Variants in NCF2 observed in about 807,000 individuals in gnomAD.
NCF2 encodes the protein neutrophil cytosol factor 2.
A neutral mutation model predicts 70.9 loss-of-function variants in NCF2; 45 were observed. The observed-to-expected ratio is 0.63, with a 90% CI of 0.50 to 0.81. The LOEUF is 0.81. Ranked by LOEUF, NCF2 falls within the 40% of genes least tolerant of loss-of-function variation. The probability of loss-of-function intolerance (pLI) is 0.00; values close to 1 mark genes in which losing one functional copy is unlikely to be tolerated. For missense variants in NCF2, 522 were observed against 631.6 expected, an observed-to-expected ratio of 0.83 and a Z score of 1.86; for synonymous variants, 203 against 233.6, an observed-to-expected ratio of 0.87 and a Z score of 1.19.
At chr1:183,585,526 G>A (rs1673304717) in intron 2 of NCF2, among the ~76,000 whole-genome samples, 1 of 150,726 alleles carries the variant, frequency 6.6e-6, no homozygotes, top group South Asian at 2.1e-4. Flanking sequence ...TTGGGAGGCT[G>A]AGGCAAGAGA....
chr1:183,563,363 C>G, intron 12 of NCF2, 57 bp from the exon 13 acceptor site: 1 of 1,613,692 alleles, frequency 6.2e-7, no homozygotes, highest in Non-Finnish European at 8.5e-7. Flanking sequence ...AAAAACCATC[C>G]TCCTCTTCCC....
At chr1:183,582,621 T>C (rs1447141883) in intron 2 of NCF2, among the ~76,000 whole-genome samples, 3 of 152,214 alleles carry the variant, frequency 2.0e-5, no homozygotes, top group Non-Finnish European at 4.4e-5. Flanking sequence ...AGTCAAAACT[T>C]CAGGCATCTT....
At position 183,556,002 on chromosome 1, in the gene NCF2, A is replaced by ATAGTT; in HGVS notation, c.*111_*115dup. The ATAGTT allele has an allele frequency of 1.1e-6, 1 of 884,720 alleles. No homozygotes were observed. Among genetic ancestry groups the ATAGTT allele is most frequent in the South Asian group, 1.4e-5 (1 of 71,588 alleles). 54.8% of individuals were successfully genotyped at this position (884,720 alleles called of 1,614,324 possible). A position where few individuals can be genotyped will look rare whatever the true frequency, so the allele number is the denominator to read the frequency against. The stretch of plus-strand genomic sequence containing the variant: ...TAGGTTAAATTTTAACAGGGAATAA[A>ATAGTT]TAGTTAACACTTCCAAACTGTAATG... On this transcript the variant is annotated 3_prime_UTR_variant, in exon 15 of 15. Transcript: ENST00000367535.
At chr1:183,560,512 G>A (rs1671993723) in intron 13 of NCF2, among the ~76,000 whole-genome samples, 1 of 152,188 alleles carries the variant, frequency 6.6e-6, no homozygotes, top group Admixed American at 6.5e-5. Context: ...TTAGATGAAT[G>A]GTGGTGGGTG....
rs764404690 is a variant in NCF2 at position 183,565,740 on chromosome 1, T to C, written c.964A>G (p.Ser322Gly). The change falls in exon 10 of 15, where the codon AGT becomes GGT. Residue 322 changes from serine to glycine, a missense_variant. By Grantham distance (56) the Ser-to-Gly change is moderately conservative. Coordinates refer to ENST00000367535, the MANE Select transcript of NCF2 (RefSeq NM_000433.4). ...TGGGGTCTTCCAGGGGCTTTGGAAC[T>C]AGGAGGAGCTGGGATGTCGGACTGC... ...SPQSDIPAPP[S>G]SKAPGRPQLS... The C allele has an allele frequency of 1.5e-5, 24 of 1,612,798 alleles. No individual in the cohort carries two copies. Among genetic ancestry groups the C allele is most frequent in the Non-Finnish European group, 2.0e-5 (24 of 1,180,004 alleles).
At chr1:183,597,951 T>C in the NCF2 span, 3 of 152,254 alleles carry the variant, frequency 2.0e-5, no homozygotes, top group Admixed American at 2.0e-4. Flanking sequence ...TCCTGGCTGG[T>C]TGGACCCTGG....
the NCF2 span, among the ~76,000 whole-genome samples, chr1:183,601,412 C>T: frequency 1.3e-5 from 2 of 152,214 alleles, no homozygotes; most frequent in African/African-American, 2.4e-5. Flanking sequence ...TTTCACACGT[C>T]TGTAAACATA....
At chr1:183,572,739 A>G (rs996540705) in intron 5 of NCF2, among the ~76,000 whole-genome samples, 1 of 152,124 alleles carries the variant, frequency 6.6e-6, no homozygotes, top group Non-Finnish European at 1.5e-5. Context: ...TCCTGGGCTC[A>G]AGTGATCCTC....
chr1:183,565,713 G>A lies in NCF2; in HGVS notation c.991C>T (p.Leu331=), dbSNP rs199658789. The part of the protein sequence containing the change: ...PSSKAPGRPQ[L]SPGQKQKEEP... ...CTCCAGGACCACTCACCTGGTGACA[G>A]CTGGGGTCTTCCAGGGGCTTTGGAA... is the stretch of plus-strand genomic sequence containing the variant. The change falls in exon 10 of 15, where the codon CTG becomes TTG. Residue 331 remains leucine, a synonymous_variant. Coordinates refer to ENST00000367535, the MANE Select transcript of NCF2 (RefSeq NM_000433.4). The A allele has an allele frequency of 6.2e-7, 1 of 1,612,500 alleles. No individual in the cohort carries two copies. The highest frequency in any genetic ancestry group is 8.5e-7 in the Non-Finnish European group (1 of 1,180,002).
At chr1:183,594,179 G>GA (rs1347798588), upstream of NCF2, among the ~76,000 whole-genome samples, 6 of 152,178 alleles carry the variant, frequency 3.9e-5, no homozygotes, top group African/African-American at 1.4e-4. Flanking sequence ...ACTTAGGTGG[G>GA]AAGATCCCTT....
upstream of NCF2, among the ~76,000 whole-genome samples, chr1:183,591,766 G>A (rs1348737763): frequency 6.6e-6 from 1 of 152,158 alleles, no homozygotes; most frequent in Non-Finnish European, 1.5e-5. Flanking sequence ...TGGGATTACA[G>A]GAGTGAGCCA....
At chr1:183,579,198 G>A (rs982611496) in intron 2 of NCF2, among the ~76,000 whole-genome samples, 28 of 152,156 alleles carry the variant, frequency 1.8e-4, no homozygotes, top group African/African-American at 6.5e-4. Context: ...CTAACTGGGG[G>A]ACCCTAGCAA....
chr1:183,579,633 G>C (rs1672966040), intron 2 of NCF2, among the ~76,000 whole-genome samples: 1 of 151,328 alleles, frequency 6.6e-6, no homozygotes, highest in African/African-American at 2.4e-5. Context: ...CAGCTACTCA[G>C]GAGGCTGAGG....
At chr1:183,598,825 G>A in the NCF2 span, among the ~76,000 whole-genome samples, 12 of 152,222 alleles carry the variant, frequency 7.9e-5, no homozygotes, top group East Asian at 3.9e-4. Context: ...ATGTAGACTC[G>A]TTAAAAACCA....
intron 3 of NCF2, among the ~76,000 whole-genome samples, chr1:183,574,936 ATTG>A (rs1488563247): frequency 6.6e-6 from 1 of 152,208 alleles, no homozygotes; most frequent in Admixed American, 6.5e-5. Flanking sequence ...AAGAAGAAGA[ATTG>A]TTGTGTTGTT....
At chr1:183,562,008 C>T (rs1672084766) in intron 13 of NCF2, among the ~76,000 whole-genome samples, 1 of 151,850 alleles carries the variant, frequency 6.6e-6, no homozygotes, top group Non-Finnish European at 1.5e-5. Context: ...TTGCCTCAGC[C>T]TCCCAAAGTG....
At chr1:183,575,240 C>T (rs140189189) in intron 3 of NCF2, among the ~76,000 whole-genome samples, 14 of 152,294 alleles carry the variant, frequency 9.2e-5, no homozygotes, top group Middle Eastern at 3.4e-3. Context: ...GAGGCCAAGG[C>T]GGGTGAATCA....
In NCF2 at chr1:183,563,648, T is replaced by C. The variant is rs966730446; in HGVS notation, c.1027-63A>G. 3 of 1,603,838 alleles carry C rather than the reference T, an allele frequency of 1.9e-6. No individual in the cohort carries two copies. The African/African-American group carries it at 4.0e-5, about 21-fold the overall frequency. ...TGAGGCTTTCTCTCAACATCCTGGA[T>C]CACCGCAGTTTCGTGATTTGGCACA... On this transcript the variant is annotated intron_variant, in intron 11 of 14. Transcript: ENST00000367535.
the NCF2 span, among the ~76,000 whole-genome samples, chr1:183,599,452 T>TTCTTTCTTTCTTTC: frequency 1.0e-3 from 133 of 133,542 alleles, no homozygotes; most frequent in African/African-American, 3.7e-3. Context: ...CTTTCTTTCT[T>TTCTTTCTTTCTTTC]TCTTTCTTTC....
Sources: gnomAD v4.1 joint callset for allele counts (sites outside exome capture counted in the v4.1 genomes callset) on GRCh38, gnomAD v4.1.1 for gene constraint, MANE v1.5 for transcripts, NCBI Gene and HGNC (gene_info 2026-07-23, HGNC 2026-07-21) for gene names.